NUBP1: variants seen among roughly 807,000 people sequenced by gnomAD.
NUBP1 encodes the protein NUBP iron-sulfur cluster assembly factor 1, cytosolic, also known as cytosolic Fe-S cluster assembly factor NUBP1.
NUBP1 carries 46 observed loss-of-function variants against 41.8 expected under a neutral mutation model. The ratio of observed to expected loss-of-function variants is 1.10; its 90% confidence interval spans 0.87 to 1.41. The LOEUF (loss-of-function observed/expected upper bound fraction) is 1.41, where lower values mean the gene tolerates loss of function less well. Among genes scored for constraint, NUBP1 ranks in the 40% most tolerant of loss-of-function variants. The pLI, the probability that NUBP1 is intolerant of heterozygous loss-of-function variation, is 0.00. For synonymous variants in NUBP1, 189 were observed against 154.6 expected (o/e 1.22, Z -1.65); for missense variants, 494 against 414.0 (o/e 1.19, Z -1.68).
At chr16:10,758,852 C>T (rs945328765) in intron 7 of NUBP1, among the ~76,000 whole-genome samples, 1 of 152,204 alleles carries the variant, frequency 6.6e-6, no homozygotes, top group Non-Finnish European at 1.5e-5. Flanking sequence ...GTAGCAGTCA[C>T]CTAGTGGCTG....
At position 10,761,791 on chromosome 16, in the gene NUBP1, G is replaced by A. The variant is rs771295565; in HGVS notation, c.752G>A (p.Gly251Asp). 1.2e-5 allele frequency: 19 copies of A among 1,613,990 alleles called. No homozygotes were observed. The highest frequency in any genetic ancestry group is 1.7e-5 in the Admixed American group (1 of 59,994). Residue 251 changes from glycine to aspartate, a missense_variant, in exon 9 of 11, where the codon GGC (glycine) becomes GAC (aspartate). By Grantham distance (94) the Gly-to-Asp change is moderately conservative. Coordinates refer to ENST00000283027, the MANE Select transcript of NUBP1 (RefSeq NM_002484.4). ...CAGATATTCCCTCCCACAACCGGGG[G>A]CGCGGAGCTCATGTGCCAGGACTTG... ...ESQIFPPTTGGAELMCQDLEV... is the reference protein window; with the variant it reads ...ESQIFPPTTGDAELMCQDLEV...
chr16:10,752,813 G>A, intron 4 of NUBP1, 135 bp downstream of exon 4: 1 of 759,910 alleles, frequency 1.3e-6, no homozygotes, highest in Non-Finnish European at 2.2e-6. Context: ...TGTTGTTTTT[G>A]AGACAAGGTC....
In NUBP1 at chr16:10,768,689, C is replaced by A; in HGVS notation, c.905-358C>A. The A allele has an allele frequency of 4.6e-6, 1 of 218,982 alleles. No homozygotes were observed. The highest frequency in any genetic ancestry group is 1.0e-4 in the East Asian group (1 of 9,612). The allele number at this position is 218,982 out of a possible 1,614,324, so 13.6% of individuals were successfully genotyped here. A position where few individuals can be genotyped will look rare whatever the true frequency, so the allele number is the denominator to read the frequency against. ...GCCACATTCAGCCAGTGGCAGCCAT[C>A]AGAGGCCCCAGAGTTAGGGCAGAGG... On this transcript the variant is annotated intron_variant, in intron 10 of 10. Coordinates refer to ENST00000283027, the MANE Select transcript of NUBP1 (RefSeq NM_002484.4). The surrounding 1 kb of genome is among the most constrained non-coding windows in gnomAD (Gnocchi z 4.3).
chr16:10,769,082 G>A lies in NUBP1; in HGVS notation c.940G>A (p.Glu314Lys). ...GTTTTGTAATCTCCATCAGTCAAAA[G>A]AAGAGAACCTCATCAGTTCCTGAAA... ...QEFCNLHQSK[E>K]ENLISS The change falls in exon 11 of 11, where the codon GAA (glutamate) becomes AAA (lysine). Residue 314 changes from glutamate (E) to lysine (K), a missense_variant. Coordinates refer to ENST00000283027, the MANE Select transcript of NUBP1 (RefSeq NM_002484.4). 1 of 1,614,052 alleles carries A rather than the reference G, an allele frequency of 6.2e-7. No homozygotes were observed. The highest frequency in any genetic ancestry group is 8.5e-7 in the Non-Finnish European group (1 of 1,180,002).
intron 7 of NUBP1, among the ~76,000 whole-genome samples, chr16:10,760,249 C>T (rs926552778): frequency 6.6e-6 from 1 of 152,242 alleles, no homozygotes; most frequent in African/African-American, 2.4e-5. Context: ...TGTCCCAGCC[C>T]CTTAGCCGTG....
intron 3 of NUBP1, among the ~76,000 whole-genome samples, chr16:10,750,426 G>C (rs1262329497): frequency 6.6e-6 from 1 of 151,904 alleles, no homozygotes; most frequent in Non-Finnish European, 1.5e-5. Context: ...ATTTTTAGTA[G>C]AGACAGGGTT....
At chr16:10,763,232 T>C (rs1596470487) in intron 9 of NUBP1, among the ~76,000 whole-genome samples, 1 of 152,056 alleles carries the variant, frequency 6.6e-6, no homozygotes, top group Non-Finnish European at 1.5e-5. Flanking sequence ...GAGAAGGTGG[T>C]TCATGTCCGT....
At chr16:10,745,956 A>G (rs1339046569) in intron 2 of NUBP1, among the ~76,000 whole-genome samples, 1 of 152,222 alleles carries the variant, frequency 6.6e-6, no homozygotes, top group Non-Finnish European at 1.5e-5. Flanking sequence ...TACAGTTGGC[A>G]TGTCCTTGTT....
rs1048199494 is a variant in NUBP1 at position 10,749,546 on chromosome 16, G to C, written c.258+2270G>C. ...CAGTGGTGGTTTAAAAAAAAAAGAA[G>C]TCAGCATTTAGGAAAGTGTGTTTTC... is the stretch of plus-strand genomic sequence containing the variant. On this transcript the variant is annotated intron_variant, in intron 3 of 10. Coordinates refer to ENST00000283027, the MANE Select transcript of NUBP1 (RefSeq NM_002484.4). This position sits in a 1 kb window ranked among gnomAD's most constrained non-coding sequence, Gnocchi z 4.1. 6.6e-6 allele frequency among the ~76,000 whole-genome samples: 1 copy of C among 152,086 alleles called. No individual in the cohort carries two copies. Among genetic ancestry groups the C allele is most frequent in the African/African-American group, 2.4e-5 (1 of 41,392 alleles).
chr16:10,761,677 T>C, intron 8 of NUBP1, 80 bp from the exon 9 acceptor site: 1 of 1,189,204 alleles, frequency 8.4e-7, no homozygotes, highest in Admixed American at 2.4e-5. Context: ...TTTTTTTTTT[T>C]TAAGTTTCTT....
intron 7 of NUBP1, among the ~76,000 whole-genome samples, chr16:10,758,243 G>T (rs956713658): frequency 6.6e-6 from 1 of 152,184 alleles, no homozygotes; most frequent in Non-Finnish European, 1.5e-5. Flanking sequence ...GGCTGAGATG[G>T]GAGGATCACT....
At position 10,765,234 on chromosome 16, in the gene NUBP1, C is replaced by G. The variant is rs893425266; in HGVS notation, c.821-2715C>G. 6.9e-6 allele frequency: 1 copy of G among 144,782 alleles called. No individual in the cohort carries two copies. Among genetic ancestry groups the G allele is most frequent in the African/African-American group, 2.6e-5 (1 of 38,878 alleles). The allele number at this position is 144,782 out of a possible 1,614,324, so 9.0% of individuals were successfully genotyped here. A position where few individuals can be genotyped will look rare whatever the true frequency, so the allele number is the denominator to read the frequency against. ...TATCCTTACCCAAAGTCTCCTGATA[C>G]TAAATGATAGCAACTAACTCCATTA... On this transcript the variant is annotated intron_variant, in intron 9 of 10. Coordinates refer to ENST00000283027, the MANE Select transcript of NUBP1 (RefSeq NM_002484.4). The surrounding 1 kb of genome is among the most constrained non-coding windows in gnomAD (Gnocchi z 4.0).
Position 10,768,026 on chromosome 16 carries a change from A to G in NUBP1, c.898A>G (p.Ile300Val). The G allele has an allele frequency of 6.8e-6, 11 of 1,613,950 alleles. No individual in the cohort carries two copies. The highest frequency in any genetic ancestry group is 9.3e-6 in the Non-Finnish European group (11 of 1,179,914). ...SPATLAYRSI[I>V]QRIQEFCNLH... ...AGCCACGTTAGCCTACAGAAGTATAATTCAGAGTAAGTATTTCCATGAGTA... is the reference window on the plus strand; with the variant it reads ...AGCCACGTTAGCCTACAGAAGTATAGTTCAGAGTAAGTATTTCCATGAGTA... The change falls in exon 10 of 11, where the codon ATT becomes GTT. Residue 300 changes from isoleucine to valine, a missense_variant. Ile to Val is a conservative substitution (Grantham distance 29). Transcript: ENST00000283027. This position sits in a 1 kb window ranked among gnomAD's most constrained non-coding sequence, Gnocchi z 4.3.
chr16:10,747,489 G>A (rs1490707092), intron 3 of NUBP1, among the ~76,000 whole-genome samples: 3 of 152,246 alleles, frequency 2.0e-5, no homozygotes, highest in Non-Finnish European at 4.4e-5. Context: ...CAAAATATTA[G>A]CTGGGCGTGG....
At chr16:10,744,744 A>AT (rs111994625) in intron 2 of NUBP1, among the ~76,000 whole-genome samples, 2 of 150,924 alleles carry the variant, frequency 1.3e-5, no homozygotes, top group Non-Finnish European at 1.5e-5. Context: ...GGAGGACAAT[A>AT]TTTTTTTTTC....
intron 8 of NUBP1, 33 bp from the exon 9 acceptor site, chr16:10,761,724 T>C: frequency 6.4e-7 from 1 of 1,556,734 alleles, no homozygotes; most frequent in Non-Finnish European, 8.8e-7. Flanking sequence ...TGCAAAAAAA[T>C]TATGTTTCCT....
Position 10,752,675 on chromosome 16 carries a change from G to A in NUBP1, c.324G>A (p.Glu108=), listed in dbSNP as rs766930384. The change falls in exon 4 of 11, where the codon GAG becomes GAA. Residue 108 remains glutamate (E), a synonymous_variant. Transcript: ENST00000283027. Reference sequence around the variant, plus strand: ...CCAAGATAATGGGATTGGAAGGAGAGCAGGTAATAGCCGGTTACAGAACTC... The same window carrying A: ...CCAAGATAATGGGATTGGAAGGAGAACAGGTAATAGCCGGTTACAGAACTC... ...SIPKIMGLEG[E]QVHQSGSGWS... The A allele has an allele frequency of 1.2e-6, 2 of 1,613,442 alleles. No individual in the cohort carries two copies. The highest frequency in any genetic ancestry group is 2.2e-5 in the East Asian group (1 of 44,882).
In NUBP1 at chr16:10,755,857, C is replaced by G. The variant is rs1157091687; in HGVS notation, c.360+104C>G. The G allele has an allele frequency of 5.6e-6, 6 of 1,066,200 alleles. No individual in the cohort carries two copies. In the Admixed American group the frequency reaches 1.2e-4, roughly 21 times the overall value. 66.0% of individuals were successfully genotyped at this position (1,066,200 alleles called of 1,614,324 possible). A position where few individuals can be genotyped will look rare whatever the true frequency, so the allele number is the denominator to read the frequency against. Reference sequence around the variant, plus strand: ...CATAGGTATTTATTAGGGTACTTTTCGAGGCACAGAGGATGTGATTAAAAC... The same window carrying G: ...CATAGGTATTTATTAGGGTACTTTTGGAGGCACAGAGGATGTGATTAAAAC... On this transcript the variant is annotated intron_variant, in intron 5 of 10. Transcript: ENST00000283027.
chr16:10,762,371 C>T (rs915659693), intron 9 of NUBP1, among the ~76,000 whole-genome samples: 5 of 152,194 alleles, frequency 3.3e-5, no homozygotes, highest in East Asian at 1.9e-4. Context: ...TTCTTAAGTA[C>T]GTGGGTCTCC....
Sources: allele counts gnomAD v4.1 joint callset (sites outside exome capture counted in the v4.1 genomes callset), GRCh38; gene constraint gnomAD v4.1.1; non-coding constraint Gnocchi (gnomAD v3.1); transcripts MANE v1.5; gene names NCBI Gene and HGNC (gene_info 2026-07-23, HGNC 2026-07-21).